VPS36: variants seen among roughly 807,000 people sequenced by gnomAD.
VPS36 encodes vacuolar protein-sorting-associated protein 36.
A neutral mutation model predicts 63.5 loss-of-function variants in VPS36; 31 were observed. That is an observed-to-expected ratio of 0.49 (90% CI 0.37 to 0.66). The LOEUF is 0.66. Ranked by LOEUF, VPS36 falls within the 30% of genes least tolerant of loss-of-function variation. The pLI is 0.00. For synonymous variants in VPS36, 138 were observed against 157.2 expected, an observed-to-expected ratio of 0.88 and a Z score of 0.91; for missense variants, 338 against 463.7, an observed-to-expected ratio of 0.73 and a Z score of 2.49.
intron 9 of VPS36, among the ~76,000 whole-genome samples, chr13:52,424,154 C>T (rs1339992137): frequency 6.6e-6 from 1 of 152,144 alleles, no homozygotes; most frequent in Non-Finnish European, 1.5e-5. Context: ...GCCACTGTGC[C>T]TGGCCTCATT....
At position 52,434,795 on chromosome 13, in the gene VPS36, G is replaced by C; in HGVS notation, c.439C>G (p.Gln147Glu). 6.2e-7 allele frequency: 1 copy of C among 1,611,832 alleles called. No individual in the cohort carries two copies. Among genetic ancestry groups the C allele is most frequent in the Non-Finnish European group, 8.5e-7 (1 of 1,178,838 alleles). ...TTAGCAAATAGTTTTAAAAATACCT[G>C]GGGTCCTCTATTTGTTTGTAATGAC... Reference protein sequence around the residue: ...SQSLQTNRGPQPGRIRAVGIV... With the variant: ...SQSLQTNRGPEPGRIRAVGIV... The change falls in exon 5 of 14, where the codon CAG (glutamine) becomes GAG (glutamate). Residue 147 changes from glutamine (Q) to glutamate (E), a missense_variant and splice_region_variant. By Grantham distance (29) the Gln-to-Glu change is conservative. Coordinates refer to ENST00000378060, the MANE Select transcript of VPS36 (RefSeq NM_016075.4).
rs552040513 is a variant in VPS36, at chr13:52,433,429, T to C, written c.528+233A>G. 3.9e-4 allele frequency among the ~76,000 whole-genome samples: 60 copies of C among 152,402 alleles called. No homozygotes were observed. In the South Asian group the frequency reaches 7.7e-3, roughly 19 times the overall value. The stretch of plus-strand genomic sequence containing the variant: ...ACTGTAAAATCTACACACAACATTT[T>C]ATGATGTTTTCTAACAGCAAACAAA... On this transcript the variant is annotated intron_variant, in intron 6 of 13. Coordinates refer to ENST00000378060, the MANE Select transcript of VPS36 (RefSeq NM_016075.4).
Position 52,443,807 on chromosome 13 carries a change from A to G in VPS36, c.97-1362T>C, listed in dbSNP as rs189120861. Among the ~76,000 whole-genome samples, 411 of 152,346 alleles carry G rather than the reference A, an allele frequency of 2.7e-3. 2 individuals are homozygous for G. The highest frequency in any genetic ancestry group is 3.6e-3 in the Non-Finnish European group (242 of 68,028). On this transcript the variant is annotated intron_variant, in intron 1 of 13. Transcript: ENST00000378060. Reference sequence around the variant, plus strand: ...CCTTACTACTTGTTATTATGCCCTGAAAGTTACATAAATAAGCAAATTTTA... The same window carrying G: ...CCTTACTACTTGTTATTATGCCCTGGAAGTTACATAAATAAGCAAATTTTA...
chr13:52,432,546 T>C (rs1260843081), intron 6 of VPS36, among the ~76,000 whole-genome samples: 1 of 151,958 alleles, frequency 6.6e-6, no homozygotes, highest in East Asian at 1.9e-4. Flanking sequence ...AAATGAAAAA[T>C]AAACACAGAA....
chr13:52,419,392 T>A (rs1480707047), intron 10 of VPS36, among the ~76,000 whole-genome samples: 2 of 152,214 alleles, frequency 1.3e-5, no homozygotes, highest in Non-Finnish European at 2.9e-5. Flanking sequence ...AGGAAGGGCT[T>A]CCTGAACAAC....
intron 9 of VPS36, among the ~76,000 whole-genome samples, chr13:52,424,012 C>T (rs1958072093): frequency 6.6e-6 from 1 of 152,098 alleles, no homozygotes; most frequent in African/African-American, 2.4e-5. Flanking sequence ...CATGCACCAC[C>T]ACACCCAGCT....
In VPS36 at chr13:52,436,644, G is replaced by T. The variant is rs555123796; in HGVS notation, c.237-240C>A. Among the ~76,000 whole-genome samples the T allele has an allele frequency of 1.6e-4, 24 of 152,256 alleles. 1 individual carries two copies. The South Asian group carries it at 3.3e-3, about 21-fold the overall frequency. On this transcript the variant is annotated intron_variant, in intron 3 of 13. Transcript: ENST00000378060. ...AAAGCTTCAAGTTACTAGCTCTGTA[G>T]ATTAGAGTGTGACTTTAGAAAATAA... is the stretch of plus-strand genomic sequence containing the variant.
At chr13:52,416,307 T>C (rs1800915190) in intron 12 of VPS36, 3 of 535,058 alleles carry the variant, frequency 5.6e-6, no homozygotes, top group Non-Finnish European at 9.9e-6. Context: ...AGAGACATAG[T>C]AGAGGCTCAA....
At chr13:52,440,457 C>T (rs953784429) in intron 2 of VPS36, among the ~76,000 whole-genome samples, 2 of 152,108 alleles carry the variant, frequency 1.3e-5, no homozygotes, top group South Asian at 4.1e-4. Context: ...CCATGCCTAG[C>T]TAATTTTGTA....
rs1290329014 is a variant in VPS36, at chr13:52,436,964, ACAAACTAC to A, written c.237-568_237-561del. On this transcript the variant is annotated intron_variant, in intron 3 of 13. Transcript: ENST00000378060. ...CCCAAAATGCTGTGGCTCTAAGAAC[ACAAACTAC>A]CATTATCTTTATGACTATCATAATC... Among the ~76,000 whole-genome samples the A allele has an allele frequency of 9.2e-5, 14 of 152,310 alleles. No homozygotes were observed. The East Asian group carries it at 2.3e-3, about 25-fold the overall frequency.
Position 52,416,065 on chromosome 13 carries a change from T to C in VPS36, c.1019A>G (p.Glu340Gly). The C allele has an allele frequency of 1.2e-6, 2 of 1,613,828 alleles. No homozygotes were observed. The highest frequency in any genetic ancestry group is 1.7e-6 in the Non-Finnish European group (2 of 1,179,932). ...TVSEKGSLTSEEFAKLVGMSV... is the reference protein window; with the variant it reads ...TVSEKGSLTSGEFAKLVGMSV... ...CATTCCCACAAGCTTAGCAAACTCTTCTGATGTTAGGGATCCCTTTTCTGA... is the reference window on the plus strand; with the variant it reads ...CATTCCCACAAGCTTAGCAAACTCTCCTGATGTTAGGGATCCCTTTTCTGA... Residue 340 changes from glutamate (E) to glycine (G), a missense_variant, in exon 13 of 14, where the codon GAA (glutamate) becomes GGA (glycine). Transcript: ENST00000378060.
Position 52,431,992 on chromosome 13 carries a change from A to G in VPS36, c.528+1670T>C, listed in dbSNP as rs77119284. Among the ~76,000 whole-genome samples, 1,121 of 152,242 alleles carry G rather than the reference A, an allele frequency of 7.4e-3. 6 individuals are homozygous for G. Among genetic ancestry groups the G allele is most frequent in the African/African-American group, 0.017 (699 of 41,538 alleles). On this transcript the variant is annotated intron_variant, in intron 6 of 13. Coordinates refer to ENST00000378060, the MANE Select transcript of VPS36 (RefSeq NM_016075.4). ...AATTTGAGCTTCAAATAGGATAATA[A>G]TTATAACTGATTGAAATCCATCAAA...
chr13:52,427,661 T>C (rs1958116706), intron 6 of VPS36, among the ~76,000 whole-genome samples: 2 of 152,092 alleles, frequency 1.3e-5, no homozygotes, highest in African/African-American at 4.8e-5. Flanking sequence ...TTAATAACTA[T>C]TTATATAAAT....
intron 1 of VPS36, among the ~76,000 whole-genome samples, chr13:52,449,150 C>T (rs1418932370): frequency 6.6e-6 from 1 of 152,100 alleles, no homozygotes; most frequent in African/African-American, 2.4e-5. Flanking sequence ...TAGAGACCAG[C>T]CTGGCCAATG....
At position 52,444,526 on chromosome 13, in the gene VPS36, T is replaced by G. The variant is rs982708399; in HGVS notation, c.97-2081A>C. Among the ~76,000 whole-genome samples the G allele has an allele frequency of 6.8e-5, 10 of 147,480 alleles. No individual in the cohort carries two copies. The South Asian group carries it at 1.1e-3, about 15-fold the overall frequency. On this transcript the variant is annotated intron_variant, in intron 1 of 13. Coordinates refer to ENST00000378060, the MANE Select transcript of VPS36 (RefSeq NM_016075.4). ...TATATATGTATAAAAATATATATAT[T>G]TATATATAAATACATATACATATAT...
chr13:52,421,299 C>T (rs1958043231), intron 10 of VPS36, among the ~76,000 whole-genome samples: 1 of 152,010 alleles, frequency 6.6e-6, no homozygotes, highest in Non-Finnish European at 1.5e-5. Context: ...ATCTCACTTA[C>T]ATGTAGAATC....
At chr13:52,448,615 C>A (rs541048661) in intron 1 of VPS36, among the ~76,000 whole-genome samples, 1 of 152,342 alleles carries the variant, frequency 6.6e-6, no homozygotes, top group East Asian at 1.9e-4. Context: ...TCTGCTAATA[C>A]AAGCAGCAAA....
rs1047649432 is a variant in VPS36, at chr13:52,412,704, T to A, written c.*3126A>T. 6.6e-6 allele frequency: 1 copy of A among 152,222 alleles called. No homozygotes were observed. Among genetic ancestry groups the A allele is most frequent in the Non-Finnish European group, 1.5e-5 (1 of 68,038 alleles). 9.4% of individuals were successfully genotyped at this position (152,222 alleles called of 1,614,324 possible). A position where few individuals can be genotyped will look rare whatever the true frequency, so the allele number is the denominator to read the frequency against. ...AAATAGGAATATAGGTAGGAGTTCA[T>A]TCATTCAGTAAATATTTATTGAATG... On this transcript the variant is annotated 3_prime_UTR_variant, in exon 14 of 14. Coordinates refer to ENST00000378060, the MANE Select transcript of VPS36 (RefSeq NM_016075.4).
chr13:52,429,073 A>C (rs2137787594), intron 6 of VPS36, among the ~76,000 whole-genome samples: 1 of 149,880 alleles, frequency 6.7e-6, no homozygotes, highest in East Asian at 1.9e-4. Context: ...AGCAAAAGAG[A>C]TGCACATATC....
Sources: gnomAD v4.1 joint callset for allele counts (sites outside exome capture counted in the v4.1 genomes callset) on GRCh38, gnomAD v4.1.1 for gene constraint, MANE v1.5 for transcripts, NCBI Gene and HGNC (gene_info 2026-07-23, HGNC 2026-07-21) for gene names.